The following AGGF1 variants were observed in gnomAD, a reference collection of about 807,000 sequenced individuals.
The protein encoded by AGGF1 is angiogenic factor with G patch and FHA domains 1.
Under a neutral mutation model 86.5 loss-of-function variants are expected in AGGF1, and 56 were observed. That is an observed-to-expected ratio of 0.65 (90% CI 0.52 to 0.81). The LOEUF (loss-of-function observed/expected upper bound fraction) is 0.81. Ranked by LOEUF, AGGF1 falls within the 30% of genes least tolerant of loss-of-function variation. The probability of loss-of-function intolerance (pLI) is 0.00; values close to 1 mark genes in which losing one functional copy is unlikely to be tolerated. For missense variants in AGGF1, 816 were observed against 850.9 expected, an observed-to-expected ratio of 0.96 and a Z score of 0.51; for synonymous variants, 313 against 297.1, an observed-to-expected ratio of 1.05 and a Z score of -0.55.
At chr5:77,055,650 A>G (rs947598784) in intron 11 of AGGF1, 54 bp downstream of exon 11, 2 of 1,280,746 alleles carry the variant, frequency 1.6e-6, no homozygotes, top group South Asian at 2.5e-5. Context: ...GGTTTTGAGT[A>G]AAAATGTCTT....
At position 77,063,871 on chromosome 5, in the gene AGGF1, AT is replaced by A. The variant is rs138983654; in HGVS notation, c.*622del. 0.031 allele frequency: 4,721 copies of A among 153,416 alleles called. 100 individuals are homozygous for A. The highest frequency in any genetic ancestry group is 0.047 in the Non-Finnish European group (3,253 of 68,598). 9.5% of individuals were successfully genotyped at this position (153,416 alleles called of 1,614,324 possible). ...TATGTACTGTATATTCAGCATTTAT[AT>A]TTGGTTTGTTTCATAGCTAATGAGG... On this transcript the variant is annotated 3_prime_UTR_variant, in exon 14 of 14. Transcript: ENST00000312916.
intron 9 of AGGF1, among the ~76,000 whole-genome samples, chr5:77,053,011 T>C (rs1356010732): frequency 6.6e-6 from 1 of 152,238 alleles, no homozygotes; most frequent in Non-Finnish European, 1.5e-5. Context: ...CTTCTAATTA[T>C]GTATCTATGC....
chr5:77,039,504 AATTT>A, intron 4 of AGGF1, 23 bp from the exon 5 acceptor site: 1 of 1,559,502 alleles, frequency 6.4e-7, no homozygotes, highest in South Asian at 1.2e-5. Flanking sequence ...ACATGAATAG[AATTT>A]ATTTTTTTCT....
chr5:77,030,988 T>A lies in AGGF1; in HGVS notation c.210+12T>A. The A allele has an allele frequency of 6.2e-7, 1 of 1,611,158 alleles. No individual in the cohort carries two copies. Among genetic ancestry groups the A allele is most frequent in the Non-Finnish European group, 8.5e-7 (1 of 1,179,802 alleles). On this transcript the variant is annotated intron_variant, in intron 1 of 13. Transcript: ENST00000312916. ...AGCTCCGCACGCAGGTGCGCGGTCC[T>A]CCTCAGCCCCGCGCCCCATCCAGCC...
In AGGF1 at chr5:77,041,805, ATTT is replaced by A. The variant is rs1275469214; in HGVS notation, c.870+2087_870+2089del. Among the ~76,000 whole-genome samples, 16 of 78,468 alleles carry A rather than the reference ATTT, an allele frequency of 2.0e-4. No homozygotes were observed. The South Asian group carries it at 2.2e-3, about 11-fold the overall frequency. The allele number at this position is 78,468 out of a possible 152,430, so 51.5% of individuals were successfully genotyped here. A position where few individuals can be genotyped will look rare whatever the true frequency, so the allele number is the denominator to read the frequency against. Reference sequence around the variant, plus strand: ...ACTTTTTTTATTTATTTATTTATTTATTTATTTATTTTTAATTTATTTTTTTAT... The same window carrying A: ...ACTTTTTTTATTTATTTATTTATTTAATTTATTTTTAATTTATTTTTTTAT... On this transcript the variant is annotated intron_variant, in intron 5 of 13. Coordinates refer to ENST00000312916, the MANE Select transcript of AGGF1 (RefSeq NM_018046.5).
Position 77,039,535 on chromosome 5 carries a change from A to G in AGGF1, c.686A>G (p.Asn229Ser). 7 of 1,596,226 alleles carry G rather than the reference A, an allele frequency of 4.4e-6. No homozygotes were observed. Among genetic ancestry groups the G allele is most frequent in the Non-Finnish European group, 6.0e-6 (7 of 1,169,008 alleles). The change falls in exon 5 of 14, where the codon AAT becomes AGT. Residue 229 changes from asparagine to serine, a missense_variant. Transcript: ENST00000312916. ...HSTGFYYDSE[N>S]QLYYDPSTGI... ...TTTTTTTCTTGACTTTCAAAGGAAA[A>G]TCAACTCTATTATGATCCTTCCACT...
chr5:77,048,838 C>T (rs41272252), intron 7 of AGGF1, 98 bp from the exon 8 acceptor site: 16,610 of 1,100,978 alleles, frequency 0.015, 229 homozygotes, highest in African/African-American at 0.053. Context: ...TGTTGATAGA[C>T]GTGTATTTTA....
In AGGF1 at chr5:77,063,641, G is replaced by A. The variant is rs766645383; in HGVS notation, c.*389G>A. On this transcript the variant is annotated 3_prime_UTR_variant, in exon 14 of 14. Coordinates refer to ENST00000312916, the MANE Select transcript of AGGF1 (RefSeq NM_018046.5). ...ATGCACAACAAAAGAAACATCAGAAGTTTATAAAAATAAATCTGACTATAT... is the reference window on the plus strand; with the variant it reads ...ATGCACAACAAAAGAAACATCAGAAATTTATAAAAATAAATCTGACTATAT... The A allele has an allele frequency of 2.0e-5, 4 of 195,186 alleles. No homozygotes were observed. The highest frequency in any genetic ancestry group is 4.2e-5 in the Non-Finnish European group (4 of 94,794). 12.1% of individuals were successfully genotyped at this position (195,186 alleles called of 1,614,324 possible).
intron 3 of AGGF1, 111 bp from the exon 4 acceptor site, chr5:77,036,445 G>A: frequency 9.2e-7 from 1 of 1,086,882 alleles, no homozygotes; most frequent in Non-Finnish European, 1.4e-6. Context: ...CTTTTCCTTT[G>A]TAGAAATTGA....
chr5:77,060,277 C>T (rs1747534550), intron 12 of AGGF1, among the ~76,000 whole-genome samples: 1 of 152,132 alleles, frequency 6.6e-6, no homozygotes, highest in Non-Finnish European at 1.5e-5. Context: ...TACTTAAACA[C>T]ACATATATGT....
At chr5:77,032,692 A>G (rs1054975190) in intron 1 of AGGF1, among the ~76,000 whole-genome samples, 1 of 152,182 alleles carries the variant, frequency 6.6e-6, no homozygotes, top group African/African-American at 2.4e-5. Flanking sequence ...TAGAGATTCT[A>G]AAAGAAAACG....
At chr5:77,036,441 C>T (rs1489002351) in intron 3 of AGGF1, 115 bp from the exon 4 acceptor site, 1 of 1,064,986 alleles carries the variant, frequency 9.4e-7, no homozygotes, top group Non-Finnish European at 1.4e-6. Context: ...CATGCTTTTC[C>T]TTTGTAGAAA....
Position 77,049,000 on chromosome 5 carries a change from AT to A in AGGF1, c.1365+16del, listed in dbSNP as rs1370902643. ...TGGTGTCAGTAAGGTAAGCTCTTTG[AT>A]TTATCAAATATAGTCCCCTAGATGT... On this transcript the variant is annotated intron_variant, in intron 8 of 13. Transcript: ENST00000312916. 1 of 1,611,800 alleles carries A rather than the reference AT, an allele frequency of 6.2e-7. No individual in the cohort carries two copies. Among genetic ancestry groups the A allele is most frequent in the African/African-American group, 1.3e-5 (1 of 74,888 alleles).
chr5:77,032,767 A>G (rs1746895062), intron 1 of AGGF1, among the ~76,000 whole-genome samples: 1 of 152,176 alleles, frequency 6.6e-6, no homozygotes, highest in South Asian at 2.1e-4. Context: ...ATCAGACTAA[A>G]TGATGGGACT....
rs539032509 is a variant in AGGF1 at position 77,046,476 on chromosome 5, A to T, written c.1000A>T (p.Thr334Ser). ...IHHKNSPPKV[T>S]VPTSGNTIES... ...TCACAAAAATAGTCCCCCCAAAGTCACTGTTCCAACTAGTGGAAATACTAT... is the reference window on the plus strand; with the variant it reads ...TCACAAAAATAGTCCCCCCAAAGTCTCTGTTCCAACTAGTGGAAATACTAT... The change falls in exon 6 of 14, where the codon ACT becomes TCT. Residue 334 changes from threonine to serine, a missense_variant. Transcript: ENST00000312916. 6 of 1,613,978 alleles carry T rather than the reference A, an allele frequency of 3.7e-6. No individual in the cohort carries two copies. Among genetic ancestry groups the T allele is most frequent in the Admixed American group, 1.7e-5 (1 of 60,008 alleles).
At chr5:77,060,041 ATGT>A (rs1436317256) in intron 12 of AGGF1, among the ~76,000 whole-genome samples, 1 of 152,058 alleles carries the variant, frequency 6.6e-6, no homozygotes, top group Non-Finnish European at 1.5e-5. Flanking sequence ...GGGGTTTCAC[ATGT>A]TGTTGGCCAG....
At chr5:77,061,306 T>C (rs1202026974) in intron 12 of AGGF1, among the ~76,000 whole-genome samples, 1 of 152,266 alleles carries the variant, frequency 6.6e-6, no homozygotes, top group Admixed American at 6.5e-5. Context: ...AAAATTTTAA[T>C]GAAATGGAAC....
In AGGF1 at chr5:77,039,395, A is replaced by G. The variant is rs560417562; in HGVS notation, c.682-136A>G. The G allele has an allele frequency of 7.5e-6, 5 of 668,596 alleles. No individual in the cohort carries two copies. The South Asian group carries it at 1.3e-4, about 17-fold the overall frequency. The allele number at this position is 668,596 out of a possible 1,614,324, so 41.4% of individuals were successfully genotyped here. On this transcript the variant is annotated intron_variant, in intron 4 of 13. Transcript: ENST00000312916. Reference sequence around the variant, plus strand: ...GAAGATTAAAGCATTTTTTATTGTTATCTTTAATTCATTGTCTTCTGAAAA... The same window carrying G: ...GAAGATTAAAGCATTTTTTATTGTTGTCTTTAATTCATTGTCTTCTGAAAA...
intron 1 of AGGF1, among the ~76,000 whole-genome samples, chr5:77,033,915 A>T (rs1746916797): frequency 6.6e-6 from 1 of 152,192 alleles, no homozygotes; most frequent in South Asian, 2.1e-4. Context: ...TGCCCCTCTC[A>T]GGCCGTCACC....
Sources: allele counts gnomAD v4.1 joint callset (sites outside exome capture counted in the v4.1 genomes callset), GRCh38; gene constraint gnomAD v4.1.1; transcripts MANE v1.5; gene names NCBI Gene and HGNC (gene_info 2026-07-23, HGNC 2026-07-21).